PHF14: variants seen among roughly 807,000 people sequenced by gnomAD.
PHF14 encodes PHD finger protein 14.
In PHF14, 55 loss-of-function variants were observed where a neutral mutation model predicts 117.9. The ratio of observed to expected loss-of-function variants is 0.47; its 90% CI spans 0.38 to 0.58. The LOEUF is 0.58. Among genes scored for constraint, PHF14 ranks in the 20% least tolerant of loss-of-function variants. PHF14 has a pLI of 0.00. For missense variants in PHF14, 978 were observed against 1,122.2 expected (o/e 0.87, Z 1.84); for synonymous variants, 409 against 368.6 (o/e 1.11, Z -1.26).
At chr7:11,113,092 C>T (rs1198218601) in intron 17 of PHF14, among the ~76,000 whole-genome samples, 5 of 151,900 alleles carry the variant, frequency 3.3e-5, no homozygotes, top group African/African-American at 4.8e-5. Flanking sequence ...TTTTCTCCTA[C>T]CCCCAGCAAA....
At chr7:11,040,883 C>A in intron 12 of PHF14, 108 bp downstream of exon 12, 1 of 519,618 alleles carries the variant, frequency 1.9e-6, no homozygotes, top group Admixed American at 4.1e-5. Context: ...ATGTCCATAC[C>A]AGAATTTAAG....
rs570497262 is a variant in PHF14, at chr7:11,047,138, A to C, written c.2312+4324A>C. Among the ~76,000 whole-genome samples, 3 of 151,472 alleles carry C rather than the reference A, an allele frequency of 2.0e-5. No individual in the cohort carries two copies. In the East Asian group the frequency reaches 5.9e-4, roughly 30 times the overall value. On this transcript the variant is annotated intron_variant, in intron 13 of 17. Transcript: ENST00000634607. The stretch of plus-strand genomic sequence containing the variant: ...GGCTGGGGTGCAGTGGCACAATCGC[A>C]ACTCACCGCAACTTCTGCCTCCTGG...
intron 17 of PHF14, among the ~76,000 whole-genome samples, chr7:11,161,461 C>T (rs1194281845): frequency 2.0e-4 from 31 of 151,790 alleles, no homozygotes; most frequent in Admixed American, 1.8e-3. Context: ...ACTTAGTTAT[C>T]GCTGAGTAAT....
chr7:11,138,435 C>A (rs1377943833), intron 17 of PHF14, among the ~76,000 whole-genome samples: 3 of 152,090 alleles, frequency 2.0e-5, no homozygotes, highest in Non-Finnish European at 4.4e-5. Flanking sequence ...CCCACTTTAT[C>A]CCTTATTATT....
rs140337936 is a variant in PHF14, at chr7:11,036,040, A to G, written c.1602+254A>G. Among the ~76,000 whole-genome samples the G allele has an allele frequency of 5.2e-3, 794 of 152,330 alleles. 4 individuals are homozygous for G. Among genetic ancestry groups the G allele is most frequent in the African/African-American group, 0.016 (672 of 41,578 alleles). ...AATGTGACTGTGAGGAAATTACTCT[A>G]TCAGTGCAATATATTTATTACATCT... On this transcript the variant is annotated intron_variant, in intron 8 of 17. Coordinates refer to ENST00000634607, the MANE Select transcript of PHF14 (RefSeq NM_001007157.2).
chr7:11,117,264 C>A (rs1295292405), intron 17 of PHF14, among the ~76,000 whole-genome samples: 1 of 151,830 alleles, frequency 6.6e-6, no homozygotes. Flanking sequence ...AGGTCATTAT[C>A]TGACTACTAC....
intron 10 of PHF14, 43 bp downstream of exon 10, chr7:11,037,134 A>G: frequency 7.0e-7 from 1 of 1,425,114 alleles, no homozygotes; most frequent in African/African-American, 1.5e-5. Context: ...GATAGATCTT[A>G]CTGATGATTT....
rs1364355041 is a variant in PHF14 at position 11,007,416 on chromosome 7, T to C, written c.1046-6331T>C. 2.6e-5 allele frequency among the ~76,000 whole-genome samples: 4 copies of C among 152,072 alleles called. No individual in the cohort carries two copies. In the East Asian group the frequency reaches 7.7e-4, roughly 29 times the overall value. ...CTGTACAGTTAACACCTGTAGATTT[T>C]TTTTCCCCCTTAACTCTTTTGGGAC... On this transcript the variant is annotated intron_variant, in intron 4 of 17. Transcript: ENST00000634607.
At chr7:11,137,229 G>A (rs1788247508) in intron 17 of PHF14, among the ~76,000 whole-genome samples, 1 of 152,164 alleles carries the variant, frequency 6.6e-6, no homozygotes, top group Non-Finnish European at 1.5e-5. Context: ...CATGACAAAT[G>A]GCTGTGAGGG....
At chr7:11,096,458 C>T (rs10270986) in intron 16 of PHF14, among the ~76,000 whole-genome samples, 3 of 152,060 alleles carry the variant, frequency 2.0e-5, no homozygotes, top group Admixed American at 6.6e-5. Flanking sequence ...ATGTTCTTAT[C>T]GTAAAGTTTT....
chr7:11,096,859 A>G (rs935114359), intron 16 of PHF14, among the ~76,000 whole-genome samples: 136 of 151,986 alleles, frequency 8.9e-4, no homozygotes, highest in African/African-American at 3.0e-3. Flanking sequence ...ACTTATCACT[A>G]TATACTGGAA....
At chr7:11,120,645 C>T (rs1299993975) in intron 17 of PHF14, among the ~76,000 whole-genome samples, 3 of 152,010 alleles carry the variant, frequency 2.0e-5, no homozygotes, top group African/African-American at 7.2e-5. Flanking sequence ...AAAGTATATG[C>T]TATCCTATCA....
intron 4 of PHF14, among the ~76,000 whole-genome samples, chr7:10,995,950 C>T (rs567936075): frequency 3.9e-5 from 6 of 152,368 alleles, no homozygotes; most frequent in East Asian, 1.9e-4. Flanking sequence ...GCTCCACCCT[C>T]GGCCAGCCCA....
intron 2 of PHF14, 117 bp from the exon 3 acceptor site, chr7:10,982,255 T>C (rs1583325528): frequency 5.0e-6 from 3 of 604,618 alleles, no homozygotes; most frequent in Non-Finnish European, 5.6e-6. Context: ...TAAATTTGTT[T>C]ATATTGTTTT....
chr7:11,020,018 T>G (rs1011088059), intron 5 of PHF14, among the ~76,000 whole-genome samples: 5 of 152,198 alleles, frequency 3.3e-5, no homozygotes, highest in Non-Finnish European at 7.3e-5. Flanking sequence ...TGAACTAAAT[T>G]CCTTAATTTT....
intron 4 of PHF14, among the ~76,000 whole-genome samples, chr7:11,004,253 A>G (rs13241581): frequency 6.7e-6 from 1 of 149,572 alleles, no homozygotes; most frequent in Non-Finnish European, 1.5e-5. Flanking sequence ...TCTCAAAAAA[A>G]AAAAAAAAAA....
At chr7:11,160,408 G>C (rs1193013183) in intron 17 of PHF14, among the ~76,000 whole-genome samples, 1 of 152,056 alleles carries the variant, frequency 6.6e-6, no homozygotes, top group African/African-American at 2.4e-5. Flanking sequence ...ATTTTCTTCT[G>C]GCTATATACC....
At chr7:10,983,411 T>A (rs1199458677) in intron 3 of PHF14, among the ~76,000 whole-genome samples, 1 of 152,214 alleles carries the variant, frequency 6.6e-6, no homozygotes, top group Non-Finnish European at 1.5e-5. Flanking sequence ...AATATTTTTA[T>A]ATCCATAGAC....
chr7:11,001,076 G>C (rs956527542), intron 4 of PHF14, among the ~76,000 whole-genome samples: 1 of 151,894 alleles, frequency 6.6e-6, no homozygotes, highest in African/African-American at 2.4e-5. Flanking sequence ...TTTGTTACGA[G>C]TATACGGTCT....
Sources: gnomAD v4.1 joint callset for allele counts (sites outside exome capture counted in the v4.1 genomes callset) on GRCh38, gnomAD v4.1.1 for gene constraint, MANE v1.5 for transcripts, NCBI Gene and HGNC (gene_info 2026-07-23, HGNC 2026-07-21) for gene names.